ADGB: variants seen among roughly 807,000 people sequenced by gnomAD.
ADGB encodes calpain-7-like protein.
ADGB carries 172 observed loss-of-function variants against 210.5 expected under a neutral mutation model. The ratio of observed to expected loss-of-function variants is 0.82; its 90% CI spans 0.72 to 0.93. ADGB has a LOEUF of 0.93. ADGB is among the 40% of genes least tolerant of loss of function. The probability of loss-of-function intolerance (pLI) is 0.00; values close to 1 mark genes in which losing one functional copy is unlikely to be tolerated. For synonymous variants in ADGB, 658 were observed against 662.7 expected (o/e 0.99, Z 0.11); for missense variants, 2,025 against 1,964.8 (o/e 1.03, Z -0.58).
intron 1 of ADGB, 64 bp from the exon 2 acceptor site, chr6:146,635,311 A>G: frequency 7.7e-7 from 1 of 1,303,842 alleles, no homozygotes; most frequent in East Asian, 2.9e-5. Flanking sequence ...TATGCAGTTA[A>G]TCCAATATTT....
At chr6:146,637,257 G>A (rs939858987) in intron 2 of ADGB, among the ~76,000 whole-genome samples, 29 of 152,090 alleles carry the variant, frequency 1.9e-4, no homozygotes, top group African/African-American at 6.7e-4. Context: ...GCACAAAGTA[G>A]TGTCCTGGGA....
intron 26 of ADGB, among the ~76,000 whole-genome samples, chr6:146,747,028 C>G (rs1213946427): frequency 6.6e-6 from 1 of 152,120 alleles, no homozygotes. Flanking sequence ...TTCCTATAGT[C>G]CTTTGTTCTC....
intron 5 of ADGB, among the ~76,000 whole-genome samples, chr6:146,661,552 A>G (rs1175317439): frequency 1.3e-5 from 2 of 152,008 alleles, no homozygotes; most frequent in East Asian, 1.9e-4. Context: ...TCCTGTGTAT[A>G]TATTGAAAAC....
intron 27 of ADGB, among the ~76,000 whole-genome samples, chr6:146,754,455 C>G (rs1431232437): frequency 6.6e-6 from 1 of 151,614 alleles, no homozygotes; most frequent in African/African-American, 2.4e-5. Flanking sequence ...TCTAGCTTTG[C>G]CAGTTGCAAT....
intron 1 of ADGB, among the ~76,000 whole-genome samples, chr6:146,610,625 A>G (rs1303491557): frequency 6.6e-6 from 1 of 151,888 alleles, no homozygotes; most frequent in Non-Finnish European, 1.5e-5. Flanking sequence ...TAAGCTCAGC[A>G]CTCCTGAGCT....
At chr6:146,676,935 G>A (rs1183385210) in intron 9 of ADGB, among the ~76,000 whole-genome samples, 2 of 152,084 alleles carry the variant, frequency 1.3e-5, no homozygotes, top group Non-Finnish European at 2.9e-5. Context: ...ACTTTTTTGT[G>A]TATCGCATTG....
chr6:146,627,207 A>G (rs530992550), intron 1 of ADGB, among the ~76,000 whole-genome samples: 3 of 152,290 alleles, frequency 2.0e-5, no homozygotes, highest in Admixed American at 2.0e-4. Flanking sequence ...TAACTATATT[A>G]GTATGATTGT....
At chr6:146,666,582 T>G (rs920343247) in intron 6 of ADGB, among the ~76,000 whole-genome samples, 3 of 151,940 alleles carry the variant, frequency 2.0e-5, no homozygotes, top group African/African-American at 7.2e-5. Flanking sequence ...TACTTTTAGA[T>G]CTTAAAAAAT....
At chr6:146,686,677 A>C (rs1415617443) in intron 10 of ADGB, among the ~76,000 whole-genome samples, 1 of 152,150 alleles carries the variant, frequency 6.6e-6, no homozygotes. Context: ...GAAGTCCATC[A>C]AGTTATTAAC....
intron 1 of ADGB, among the ~76,000 whole-genome samples, chr6:146,616,585 C>T (rs562477041): frequency 2.0e-5 from 3 of 151,902 alleles, no homozygotes; most frequent in Admixed American, 6.6e-5. Flanking sequence ...ATGTTTAATC[C>T]GTTTTGACTT....
At chr6:146,668,629 T>C (rs1307322686) in intron 7 of ADGB, among the ~76,000 whole-genome samples, 2 of 152,068 alleles carry the variant, frequency 1.3e-5, no homozygotes, top group African/African-American at 4.8e-5. Context: ...TTTTTATACT[T>C]AGTGTTGATG....
intron 20 of ADGB, 108 bp from the exon 21 acceptor site, chr6:146,733,012 T>A (rs745325001): frequency 1.1e-6 from 1 of 921,922 alleles, no homozygotes; most frequent in Non-Finnish European, 1.5e-6. Context: ...CGTGTACATC[T>A]GAGAAATGGT....
intron 31 of ADGB, among the ~76,000 whole-genome samples, chr6:146,785,368 G>T (rs945660096): frequency 6.6e-6 from 1 of 152,132 alleles, no homozygotes; most frequent in Admixed American, 6.5e-5. Context: ...AGTATGCCCA[G>T]AAATGTATTC....
At chr6:146,619,122 G>T (rs562145417) in intron 1 of ADGB, among the ~76,000 whole-genome samples, 7 of 147,586 alleles carry the variant, frequency 4.7e-5, no homozygotes, top group African/African-American at 1.5e-4. Context: ...TATATATATA[G>T]ATAGATAGAT....
rs541615113 is a variant in ADGB at position 146,803,779 on chromosome 6, C to T, written c.4818+1768C>T. ...CCAGCCTCCGCGCTGACAATCAGCGCCCGGCAGCCTAGAGCGTCCCTCGGC... is the reference window on the plus strand; with the variant it reads ...CCAGCCTCCGCGCTGACAATCAGCGTCCGGCAGCCTAGAGCGTCCCTCGGC... On this transcript the variant is annotated intron_variant, in intron 35 of 35. Coordinates refer to ENST00000397944, the MANE Select transcript of ADGB (RefSeq NM_024694.4). 6.4e-6 allele frequency: 4 copies of T among 621,004 alleles called. No individual in the cohort carries two copies. In the Admixed American group the frequency reaches 1.3e-4, roughly 20 times the overall value. The allele number at this position is 621,004 out of a possible 1,614,324, so 38.5% of individuals were successfully genotyped here.
chr6:146,750,012 C>G (rs1452129862), intron 26 of ADGB, among the ~76,000 whole-genome samples: 8 of 152,002 alleles, frequency 5.3e-5, no homozygotes. Flanking sequence ...GACACAGAGC[C>G]AAACCATATC....
chr6:146,810,024 A>G (rs1415478954), intron 35 of ADGB, among the ~76,000 whole-genome samples: 1 of 152,028 alleles, frequency 6.6e-6, no homozygotes, highest in Non-Finnish European at 1.5e-5. Flanking sequence ...GACAATCTAT[A>G]GAATGGGAGA....
At chr6:146,670,226 G>C (rs547952447) in intron 7 of ADGB, among the ~76,000 whole-genome samples, 1 of 151,868 alleles carries the variant, frequency 6.6e-6, no homozygotes, top group Admixed American at 6.6e-5. Context: ...AGATCATATC[G>C]TTTTCCTCGC....
At chr6:146,760,350 C>T (rs1286246728) in intron 27 of ADGB, among the ~76,000 whole-genome samples, 2 of 151,762 alleles carry the variant, frequency 1.3e-5, no homozygotes, top group African/African-American at 4.8e-5. Context: ...AAATTGGAAC[C>T]ATATAGTATT....
Sources: gnomAD v4.1 joint callset for allele counts (sites outside exome capture counted in the v4.1 genomes callset) on GRCh38, gnomAD v4.1.1 for gene constraint, MANE v1.5 for transcripts, NCBI Gene and HGNC (gene_info 2026-07-23, HGNC 2026-07-21) for gene names.